Variants in ZBTB41 observed in about 807,000 individuals in gnomAD.
ZBTB41 encodes the protein zinc finger and BTB domain containing 41.
A neutral mutation model predicts 87.6 loss-of-function variants in ZBTB41; 42 were observed. The observed-to-expected ratio is 0.48, with a 90% CI of 0.37 to 0.62. The LOEUF is 0.62. Ranked by LOEUF, ZBTB41 falls within the 20% of genes least tolerant of loss-of-function variation. ZBTB41 has a pLI of 0.00. For missense variants in ZBTB41, 799 were observed against 1,078.9 expected (o/e 0.74, Z 3.63); for synonymous variants, 364 against 364.0 (o/e 1.00, Z 0.00).
intron 8 of ZBTB41, 137 bp downstream of exon 8, chr1:197,176,427 A>G: frequency 1.7e-6 from 1 of 580,100 alleles, no homozygotes; most frequent in Non-Finnish European, 3.0e-6. Context: ...AAATGTTTTC[A>G]GAACCAGAAT....
intron 2 of ZBTB41, among the ~76,000 whole-genome samples, chr1:197,197,636 A>T (rs1660202515): frequency 6.6e-6 from 1 of 151,902 alleles, no homozygotes; most frequent in Admixed American, 6.6e-5. Flanking sequence ...CCTCTTAGTA[A>T]ATCAGCACCT....
chr1:197,159,813 G>C lies in ZBTB41; in HGVS notation c.2276C>G (p.Ser759Cys). Residue 759 changes from serine (S) to cysteine (C), a missense_variant, in exon 11 of 11, where the codon TCT (serine) becomes TGT (cysteine). By Grantham distance (112) the Ser-to-Cys change is moderately radical. Coordinates refer to ENST00000367405, the MANE Select transcript of ZBTB41 (RefSeq NM_194314.3). ...TGGCAAGGATACAAGTTTTTCCTCA[G>C]AAGTACTGAGAGGATCATCAGGAGA... ...IKSPDDPLSTSEEKLVSLPVE... is the reference protein window; with the variant it reads ...IKSPDDPLSTCEEKLVSLPVE... 6.2e-7 allele frequency: 1 copy of C among 1,613,968 alleles called. No homozygotes were observed. Among genetic ancestry groups the C allele is most frequent in the South Asian group, 1.1e-5 (1 of 91,080 alleles).
intron 10 of ZBTB41, among the ~76,000 whole-genome samples, chr1:197,168,871 C>T (rs747741478): frequency 2.6e-5 from 4 of 151,508 alleles, no homozygotes; most frequent in Non-Finnish European, 5.9e-5. Context: ...GAAAGAATAC[C>T]TACAAATCCA....
In ZBTB41 at chr1:197,153,756, T is replaced by A. The variant is rs1447034018; in HGVS notation, c.*5603A>T. 1.3e-5 allele frequency: 2 copies of A among 152,138 alleles called. No individual in the cohort carries two copies. Among genetic ancestry groups the A allele is most frequent in the Admixed American group, 6.6e-5 (1 of 15,266 alleles). The allele number at this position is 152,138 out of a possible 1,614,324, so 9.4% of individuals were successfully genotyped here. On this transcript the variant is annotated 3_prime_UTR_variant, in exon 11 of 11. Coordinates refer to ENST00000367405, the MANE Select transcript of ZBTB41 (RefSeq NM_194314.3). ...GAACTAGTTCAATATACAGTACACT[T>A]CCTACTCTTCACAGAGAACTGAAAT...
chr1:197,183,567 G>A (rs1240554905), intron 5 of ZBTB41, among the ~76,000 whole-genome samples: 1 of 152,118 alleles, frequency 6.6e-6, no homozygotes, highest in Non-Finnish European at 1.5e-5. Flanking sequence ...ATATTTGTGG[G>A]TGTACAGTAG....
At position 197,154,475 on chromosome 1, in the gene ZBTB41, G is replaced by A. The variant is rs1659021054; in HGVS notation, c.*4884C>T. On this transcript the variant is annotated 3_prime_UTR_variant, in exon 11 of 11. Coordinates refer to ENST00000367405, the MANE Select transcript of ZBTB41 (RefSeq NM_194314.3). Reference sequence around the variant, plus strand: ...ATAGATTTATGATCATACACAGCAAGTTGAAACATGAGTAAACAAAACATA... The same window carrying A: ...ATAGATTTATGATCATACACAGCAAATTGAAACATGAGTAAACAAAACATA... 6.6e-6 allele frequency: 1 copy of A among 152,056 alleles called. No homozygotes were observed. Among genetic ancestry groups the A allele is most frequent in the African/African-American group, 2.4e-5 (1 of 41,448 alleles). The allele number at this position is 152,056 out of a possible 1,614,324, so 9.4% of individuals were successfully genotyped here. A position where few individuals can be genotyped will look rare whatever the true frequency, so the allele number is the denominator to read the frequency against.
rs941336416 is a variant in ZBTB41 at position 197,176,602 on chromosome 1, C to T, written c.1841G>A (p.Arg614His). Reference sequence around the variant, plus strand: ...TTTGTGCTTTGTAAGGTGATCATGACGGATAAATGTTTTTCCACATTCATC... The same window carrying T: ...TTTGTGCTTTGTAAGGTGATCATGATGGATAAATGTTTTTCCACATTCATC... ...ECDECGKTFI[R>H]HDHLTKHKKI... The change falls in exon 8 of 11, where the codon CGT becomes CAT. Residue 614 changes from arginine to histidine, a missense_variant. By Grantham distance (29) the Arg-to-His change is conservative. Transcript: ENST00000367405. 6 of 1,611,810 alleles carry T rather than the reference C, an allele frequency of 3.7e-6. No individual in the cohort carries two copies. Among genetic ancestry groups the T allele is most frequent in the Admixed American group, 1.7e-5 (1 of 59,808 alleles).
intron 5 of ZBTB41, among the ~76,000 whole-genome samples, chr1:197,182,662 T>A (rs1659778963): frequency 6.6e-6 from 1 of 152,186 alleles, no homozygotes; most frequent in South Asian, 2.1e-4. Flanking sequence ...CTGTTCAGAT[T>A]GCATTAAATA....
intron 10 of ZBTB41, among the ~76,000 whole-genome samples, chr1:197,166,424 C>T (rs1659345771): frequency 6.6e-6 from 1 of 151,968 alleles, no homozygotes; most frequent in African/African-American, 2.4e-5. Flanking sequence ...TAACAAAATA[C>T]CCCAAATTCT....
intron 10 of ZBTB41, among the ~76,000 whole-genome samples, chr1:197,165,467 G>A (rs1479653244): frequency 6.6e-6 from 1 of 151,744 alleles, no homozygotes; most frequent in South Asian, 2.1e-4. Flanking sequence ...AAAATTAGCC[G>A]GGCATGGTGG....
chr1:197,178,315 G>A (rs1293937977), intron 7 of ZBTB41, 102 bp downstream of exon 7: 1 of 781,780 alleles, frequency 1.3e-6, no homozygotes, highest in South Asian at 2.5e-5. Context: ...ATATCATAAG[G>A]ACTAAGAAAT....
At chr1:197,172,693 T>G (rs1659510818) in intron 9 of ZBTB41, among the ~76,000 whole-genome samples, 1 of 152,058 alleles carries the variant, frequency 6.6e-6, no homozygotes, top group Non-Finnish European at 1.5e-5. Context: ...GTGGTGATGA[T>G]TACATGACTT....
Position 197,182,898 on chromosome 1 carries a change from G to A in ZBTB41, c.1547-1781C>T, listed in dbSNP as rs575686794. 4.5e-4 allele frequency among the ~76,000 whole-genome samples: 69 copies of A among 152,224 alleles called. No homozygotes were observed. The South Asian group carries it at 7.0e-3, about 16-fold the overall frequency. On this transcript the variant is annotated intron_variant, in intron 5 of 10. Transcript: ENST00000367405. ...CTGAGTCAGACACTCTGGGAAATCC[G>A]TTTTAATAAGGTCTCCAGGTGCTTG...
At chr1:197,184,964 G>A (rs113294172) in intron 5 of ZBTB41, among the ~76,000 whole-genome samples, 5 of 151,978 alleles carry the variant, frequency 3.3e-5, no homozygotes, top group African/African-American at 4.8e-5. Flanking sequence ...ACAGGCGTCC[G>A]CCACCACGCC....
At chr1:197,176,252 C>G (rs5029273) in intron 8 of ZBTB41, among the ~76,000 whole-genome samples, 117,848 of 152,036 alleles carry the variant, frequency 0.78, 49,071 homozygotes, top group East Asian at 1. Flanking sequence ...CTTTAAGGAA[C>G]TGTCAATAGC....
chr1:197,199,826 A>G lies in ZBTB41; in HGVS notation c.648T>C (p.Phe216=). ...NHQCKFCSRH[F]CYKKSLENHL... ...GATTCTCTAAAGACTTTTTATAACA[A>G]AAATGTCTACTACAGAATTTGCACT... The change falls in exon 2 of 11, where the codon TTT becomes TTC. Residue 216 remains phenylalanine (F), a synonymous_variant. Transcript: ENST00000367405. 1 of 1,610,594 alleles carries G rather than the reference A, an allele frequency of 6.2e-7. No individual in the cohort carries two copies.
At chr1:197,178,101 T>G (rs1157565842) in intron 7 of ZBTB41, among the ~76,000 whole-genome samples, 1 of 151,952 alleles carries the variant, frequency 6.6e-6, no homozygotes, top group African/African-American at 2.4e-5. Flanking sequence ...TCTTTGATAG[T>G]AAAGAGTGGA....
rs763513693 is a variant in ZBTB41, at chr1:197,199,807, C to T, written c.667G>A (p.Glu223Lys). ...CTATGGGTTTTAGCCAAATGATTCT[C>T]TAAAGACTTTTTATAACAAAAATGT... ...SRHFCYKKSL[E>K]NHLAKTHRSL... The change falls in exon 2 of 11, where the codon GAG becomes AAG. Residue 223 changes from glutamate (E) to lysine (K), a missense_variant. Physicochemically the swap from Glu to Lys is moderately conservative, Grantham distance 56. Transcript: ENST00000367405. The T allele has an allele frequency of 1.9e-6, 3 of 1,611,582 alleles. No homozygotes were observed. The highest frequency in any genetic ancestry group is 2.5e-6 in the Non-Finnish European group (3 of 1,179,146).
At chr1:197,172,485 A>C (rs1212084084) in intron 9 of ZBTB41, among the ~76,000 whole-genome samples, 2 of 152,020 alleles carry the variant, frequency 1.3e-5, no homozygotes, top group African/African-American at 2.4e-5. Flanking sequence ...CCAACAAACG[A>C]ATCTATAAAA....
Sources: gnomAD v4.1 joint callset for allele counts (sites outside exome capture counted in the v4.1 genomes callset) on GRCh38, gnomAD v4.1.1 for gene constraint, MANE v1.5 for transcripts, NCBI Gene and HGNC (gene_info 2026-07-23, HGNC 2026-07-21) for gene names.